Variants in PDCD6IP observed in about 807,000 individuals in gnomAD.
The protein encoded by PDCD6IP is programmed cell death 6 interacting protein.
In PDCD6IP, 43 loss-of-function variants were observed where a neutral mutation model predicts 103.7. That is an observed-to-expected ratio of 0.41 (90% CI 0.32 to 0.53). The LOEUF is 0.53. PDCD6IP is among the 20% of genes least tolerant of loss of function. The pLI is 0.16. For synonymous variants in PDCD6IP, 354 were observed against 378.7 expected (o/e 0.93, Z 0.76); for missense variants, 871 against 1,036.7 (o/e 0.84, Z 2.20).
At chr3:33,854,072 T>C in intron 14 of PDCD6IP, 59 bp downstream of exon 14, 1 of 1,491,398 alleles carries the variant, frequency 6.7e-7, no homozygotes, top group Non-Finnish European at 8.9e-7. Flanking sequence ...ACGCATAGTT[T>C]GGAAGTTAAG....
intron 15 of PDCD6IP, among the ~76,000 whole-genome samples, chr3:33,856,760 A>T (rs1462733701): frequency 6.6e-6 from 1 of 152,158 alleles, no homozygotes; most frequent in Non-Finnish European, 1.5e-5. Context: ...AAGGTGAAAA[A>T]AATTAGGCTG....
intron 3 of PDCD6IP, among the ~76,000 whole-genome samples, chr3:33,820,381 A>C (rs1696963020): frequency 6.6e-6 from 1 of 152,188 alleles, no homozygotes; most frequent in Non-Finnish European, 1.5e-5. Flanking sequence ...TAGGTACCTC[A>C]TACAAGTAGA....
At chr3:33,831,602 G>A (rs1484091798) in intron 7 of PDCD6IP, among the ~76,000 whole-genome samples, 1 of 151,994 alleles carries the variant, frequency 6.6e-6, no homozygotes, top group Non-Finnish European at 1.5e-5. Flanking sequence ...TTTCAAAATT[G>A]GGAAAATAGG....
At chr3:33,828,272 G>C (rs1421693164) in intron 6 of PDCD6IP, among the ~76,000 whole-genome samples, 2 of 152,072 alleles carry the variant, frequency 1.3e-5, no homozygotes, top group Non-Finnish European at 2.9e-5. Context: ...TGAAATATTA[G>C]TGTATCTATG....
chr3:33,833,997 T>G (rs1192233066), intron 7 of PDCD6IP, among the ~76,000 whole-genome samples: 1 of 146,540 alleles, frequency 6.8e-6, no homozygotes, highest in Non-Finnish European at 1.5e-5. Flanking sequence ...CTCACAGCCT[T>G]TGCATTTCAA....
At chr3:33,838,902 C>A (rs1049804471) in intron 9 of PDCD6IP, among the ~76,000 whole-genome samples, 32 of 151,970 alleles carry the variant, frequency 2.1e-4, no homozygotes, top group African/African-American at 7.0e-4. Context: ...ACCTTCTGGG[C>A]TCAGGTGATC....
intron 1 of PDCD6IP, among the ~76,000 whole-genome samples, chr3:33,801,655 C>A (rs1331043542): frequency 6.6e-6 from 1 of 152,098 alleles, no homozygotes; most frequent in African/African-American, 2.4e-5. Context: ...ACAAAAAACC[C>A]TTTTATATGA....
intron 1 of PDCD6IP, among the ~76,000 whole-genome samples, chr3:33,800,886 T>C (rs1279286115): frequency 1.3e-5 from 2 of 152,190 alleles, no homozygotes; most frequent in Non-Finnish European, 2.9e-5. Flanking sequence ...TGGTGGATAA[T>C]GGTTTGGATA....
chr3:33,836,789 G>T (rs1470450001), intron 8 of PDCD6IP, among the ~76,000 whole-genome samples: 2 of 151,904 alleles, frequency 1.3e-5, no homozygotes, highest in African/African-American at 2.4e-5. Context: ...AGCCCAGGAG[G>T]TGGAGGTTGC....
chr3:33,856,411 A>G (rs1697830085), intron 15 of PDCD6IP, among the ~76,000 whole-genome samples: 1 of 152,182 alleles, frequency 6.6e-6, no homozygotes, highest in South Asian at 2.1e-4. Flanking sequence ...ACACTAAAGA[A>G]CACACAGGAA....
chr3:33,798,908 G>A lies in PDCD6IP; in HGVS notation c.180G>A (p.Lys60=), dbSNP rs1696398065. Residue 60 remains lysine, a synonymous_variant, in exon 1 of 18, where the codon AAG becomes AAA. Transcript: ENST00000307296. ...CCGCAGTCGGTCGTCCGCTGGACAAGCACGAGGGCGCGCTCGAGACGCTCC... is the reference window on the plus strand; with the variant it reads ...CCGCAGTCGGTCGTCCGCTGGACAAACACGAGGGCGCGCTCGAGACGCTCC... ...RRAAVGRPLD[K]HEGALETLLR... is the part of the protein sequence containing the mutation. 3 of 1,542,096 alleles carry A rather than the reference G, an allele frequency of 1.9e-6. No individual in the cohort carries two copies. The highest frequency in any genetic ancestry group is 3.9e-5 in the Admixed American group (2 of 50,826).
rs1698094021 is a variant in PDCD6IP at position 33,867,620 on chromosome 3, C to A, written c.*1095C>A. On this transcript the variant is annotated 3_prime_UTR_variant, in exon 18 of 18. Coordinates refer to ENST00000307296, the MANE Select transcript of PDCD6IP (RefSeq NM_013374.6). ...GAACATATGCCAATTATGGAATAGG[C>A]TATGTATTTAATATTAATCTCTGCC... 1 of 152,056 alleles carries A rather than the reference C, an allele frequency of 6.6e-6. No homozygotes were observed. The highest frequency in any genetic ancestry group is 2.4e-5 in the African/African-American group (1 of 41,386). 9.4% of individuals were successfully genotyped at this position (152,056 alleles called of 1,614,324 possible).
intron 1 of PDCD6IP, among the ~76,000 whole-genome samples, chr3:33,802,923 A>G (rs1431152543): frequency 2.0e-5 from 3 of 152,064 alleles, no homozygotes; most frequent in African/African-American, 7.3e-5. Context: ...GAGGTACCTC[A>G]TGTTTCTTAA....
In PDCD6IP at chr3:33,865,434, A is replaced by T; in HGVS notation, c.2432+4A>T. On this transcript the variant is annotated splice_donor_region_variant and intron_variant, in intron 17 of 17. Coordinates refer to ENST00000307296, the MANE Select transcript of PDCD6IP (RefSeq NM_013374.6). ...CCACCTATCCAGGATATCCTGGGTA[A>T]GGCTGCAACATTGTGTATCCCAAGT... The T allele has an allele frequency of 6.3e-7, 1 of 1,575,964 alleles. No individual in the cohort carries two copies. Among genetic ancestry groups the T allele is most frequent in the Non-Finnish European group, 8.6e-7 (1 of 1,164,612 alleles).
At chr3:33,802,257 C>T (rs1696492010) in intron 1 of PDCD6IP, among the ~76,000 whole-genome samples, 1 of 152,156 alleles carries the variant, frequency 6.6e-6, no homozygotes, top group African/African-American at 2.4e-5. Context: ...GGCAACTGTT[C>T]CACAACACCC....
At chr3:33,855,648 T>G (rs532546738) in intron 15 of PDCD6IP, among the ~76,000 whole-genome samples, 2 of 152,276 alleles carry the variant, frequency 1.3e-5, no homozygotes, top group East Asian at 3.9e-4. Flanking sequence ...CAAAATCACT[T>G]TCAGAAGGAG....
intron 15 of PDCD6IP, among the ~76,000 whole-genome samples, chr3:33,860,166 G>A (rs11129564): frequency 0.18 from 27,942 of 152,058 alleles, 2,963 homozygotes; most frequent in East Asian, 0.39. Flanking sequence ...TTGGAATATC[G>A]TCATTTAAAA....
In PDCD6IP at chr3:33,844,128, A is replaced by G. The variant is rs920444037; in HGVS notation, c.1376A>G (p.Asp459Gly). Residue 459 changes from aspartate (D) to glycine (G), a missense_variant, in exon 11 of 18, where the codon GAT (aspartate) becomes GGT (glycine). Around this residue, in one of 5 missense-constraint regions of PDCD6IP, gnomAD observed 266 missense variants for 390.5 expected, o/e 0.68. Coordinates refer to ENST00000307296, the MANE Select transcript of PDCD6IP (RefSeq NM_013374.6). The part of the protein sequence containing the change: ...EILDESLRLL[D>G]EEEATDNDLR... ...CTTTTAAAGTCATTAAGGTTGTTGG[A>G]TGAAGAAGAAGCAACCGATAATGAT... The G allele has an allele frequency of 2.5e-6, 4 of 1,597,644 alleles. No homozygotes were observed. The African/African-American group carries it at 5.4e-5, about 22-fold the overall frequency.
intron 1 of PDCD6IP, among the ~76,000 whole-genome samples, chr3:33,802,393 C>T (rs1192189312): frequency 6.6e-6 from 1 of 152,136 alleles, no homozygotes; most frequent in Non-Finnish European, 1.5e-5. Flanking sequence ...ATAGGATAGA[C>T]TGATAATGAT....
Sources: allele counts gnomAD v4.1 joint callset (sites outside exome capture counted in the v4.1 genomes callset), GRCh38; gene constraint gnomAD v4.1.1; regional missense constraint gnomAD v4.1.1; transcripts MANE v1.5; gene names NCBI Gene and HGNC (gene_info 2026-07-23, HGNC 2026-07-21).